Variants in BEAN1 observed in about 807,000 individuals in gnomAD.
BEAN1 encodes the protein brain expressed associated with NEDD4 1, also known as protein BEAN1.
Under a neutral mutation model 17.7 loss-of-function variants are expected in BEAN1, and 17 were observed. The ratio of observed to expected loss-of-function variants is 0.96; its 90% CI spans 0.66 to 1.44. The LOEUF (loss-of-function observed/expected upper bound fraction) is 1.44. BEAN1 is among the 40% of genes most tolerant of loss of function. The probability of loss-of-function intolerance (pLI) is 0.00; values close to 1 mark genes in which losing one functional copy is unlikely to be tolerated. For synonymous variants in BEAN1, 142 were observed against 151.8 expected, an observed-to-expected ratio of 0.94 and a Z score of 0.47; for missense variants, 359 against 374.1, an observed-to-expected ratio of 0.96 and a Z score of 0.33.
At chr16:66,442,472 A>G (rs940426548) in intron 2 of BEAN1, among the ~76,000 whole-genome samples, 3 of 152,170 alleles carry the variant, frequency 2.0e-5, no homozygotes, top group African/African-American at 7.2e-5. Context: ...GGGAGGTAGC[A>G]TCTGATCATC....
At chr16:66,480,497 C>T (rs1963943085) in intron 4 of BEAN1, 89 bp from the exon 5 acceptor site, 7 of 1,083,788 alleles carry the variant, frequency 6.5e-6, no homozygotes, top group African/African-American at 1.6e-5. Context: ...GCCAGGACAG[C>T]TTGTCACTGC....
At chr16:66,492,272 C>T (rs1314566804) in intron 4 of BEAN1, among the ~76,000 whole-genome samples, 1 of 151,600 alleles carries the variant, frequency 6.6e-6, no homozygotes. Context: ...AAACTCCTGA[C>T]CTGAAGTGAT....
chr16:66,441,712 A>G (rs11645280), intron 2 of BEAN1, among the ~76,000 whole-genome samples: 38,459 of 152,018 alleles, frequency 0.25, 5,812 homozygotes, highest in Non-Finnish European at 0.33. Context: ...TATGCCCACC[A>G]AGTGCAAGGT....
At chr16:66,483,005 C>G, downstream of BEAN1, 1 of 417,644 alleles carries the variant, frequency 2.4e-6, no homozygotes, top group Non-Finnish European at 4.7e-6. Context: ...TACAGGCATG[C>G]ACCACCATAC....
At chr16:66,488,009 G>C (rs747913855) in intron 4 of BEAN1, among the ~76,000 whole-genome samples, 14 of 152,294 alleles carry the variant, frequency 9.2e-5, no homozygotes, top group South Asian at 2.1e-4. Context: ...GAGAAGCAAG[G>C]CTGACTCCAG....
At chr16:66,466,480 C>A (rs1056991699) in intron 2 of BEAN1, among the ~76,000 whole-genome samples, 2 of 152,176 alleles carry the variant, frequency 1.3e-5, no homozygotes, top group African/African-American at 4.8e-5. Flanking sequence ...GATTTGAGAT[C>A]TTTTCTCATT....
In BEAN1 at chr16:66,480,786, C is replaced by T; in HGVS notation, c.641C>T (p.Pro214Leu). The T allele has an allele frequency of 6.4e-7, 1 of 1,550,480 alleles. No homozygotes were observed. The highest frequency in any genetic ancestry group is 8.7e-7 in the Non-Finnish European group (1 of 1,146,510). Reference protein sequence around the residue: ...GLHTVSMDTLPPYEAVCGAGP... With the variant: ...GLHTVSMDTLLPYEAVCGAGP... The stretch of plus-strand genomic sequence containing the variant: ...CACACGGTCTCCATGGACACCCTTC[C>T]CCCCTACGAGGCTGTGTGCGGGGCT... Residue 214 changes from proline to leucine, a missense_variant, in exon 5 of 5, where the codon CCC (proline) becomes CTC (leucine). Coordinates refer to ENST00000536005, the MANE Select transcript of BEAN1 (RefSeq NM_001178020.3).
At position 66,480,516 on chromosome 16, in the gene BEAN1, C is replaced by G. The variant is rs369453134; in HGVS notation, c.441-70C>G. On this transcript the variant is annotated intron_variant, in intron 4 of 4. Transcript: ENST00000536005. ...GGACAGCTTGTCACTGCAGATAGAC[C>G]CCCAGGCCTTTGGGAGAGACCCAGC... 1.5e-5 allele frequency: 19 copies of G among 1,265,094 alleles called. No homozygotes were observed. The African/African-American group carries it at 2.9e-4, about 19-fold the overall frequency. 78.4% of individuals were successfully genotyped at this position (1,265,094 alleles called of 1,614,324 possible).
intron 2 of BEAN1, among the ~76,000 whole-genome samples, chr16:66,440,990 T>C (rs888140060): frequency 1.3e-5 from 2 of 152,186 alleles, no homozygotes; most frequent in African/African-American, 4.8e-5. Context: ...CAGATCATCA[T>C]TCTGACCTGG....
intron 4 of BEAN1, among the ~76,000 whole-genome samples, chr16:66,489,329 T>C (rs548293182): frequency 1.3e-5 from 2 of 152,320 alleles, no homozygotes; most frequent in South Asian, 4.1e-4. Flanking sequence ...GTTCATAAGA[T>C]GAGAGGAAGG....
At chr16:66,457,584 C>T (rs59044015) in intron 2 of BEAN1, among the ~76,000 whole-genome samples, 3,940 of 152,274 alleles carry the variant, frequency 0.026, 87 homozygotes, top group South Asian at 0.067. Flanking sequence ...TGACATCCTA[C>T]AGACTCACCC....
downstream of BEAN1, among the ~76,000 whole-genome samples, chr16:66,494,020 G>C (rs1964214162): frequency 6.6e-6 from 1 of 152,162 alleles, no homozygotes; most frequent in African/African-American, 2.4e-5. Flanking sequence ...GCATGGATGA[G>C]AGCACCCCAG....
chr16:66,488,227 G>C lies in BEAN1; in HGVS notation c.148-4735G>C, dbSNP rs375149101. Among the ~76,000 whole-genome samples, 35 of 152,224 alleles carry C rather than the reference G, an allele frequency of 2.3e-4. No individual in the cohort carries two copies. The East Asian group carries it at 6.0e-3, about 26-fold the overall frequency. On this transcript the variant is annotated intron_variant, in intron 4 of 4. Transcript: ENST00000561796. Reference sequence around the variant, plus strand: ...TAGAAGAATCACAGTGGTGGGGCAGGGGGGTGGGGGCCTTGGAATGTACCA... The same window carrying C: ...TAGAAGAATCACAGTGGTGGGGCAGCGGGGTGGGGGCCTTGGAATGTACCA...
rs62057864 is a variant in BEAN1 at position 66,469,605 on chromosome 16, C to T, written c.29C>T (p.Ala10Val). MSFKRPCPL[A>V]RYNRTSYFYP... ...TGTCCTCTCTCTCTGTCCACAGTAG[C>T]ACGATACAACCGCACCAGCTACTTC... is the stretch of plus-strand genomic sequence containing the variant. Residue 10 changes from alanine (A) to valine (V), a missense_variant, in exon 3 of 5, where the codon GCA (alanine) becomes GTA (valine). Physicochemically the swap from Ala to Val is moderately conservative, Grantham distance 64. Coordinates refer to ENST00000536005, the MANE Select transcript of BEAN1 (RefSeq NM_001178020.3). 4.6e-6 allele frequency: 7 copies of T among 1,535,572 alleles called. No individual in the cohort carries two copies. In the Admixed American group the frequency reaches 1.4e-4, roughly 30 times the overall value.
At chr16:66,475,051 G>A (rs531683595) in intron 3 of BEAN1, among the ~76,000 whole-genome samples, 201 of 152,332 alleles carry the variant, frequency 1.3e-3, no homozygotes, top group South Asian at 1.2e-3. Flanking sequence ...TGAACTTGGA[G>A]TGATGTTAAA....
chr16:66,463,591 G>A (rs138179750), intron 2 of BEAN1, among the ~76,000 whole-genome samples: 305 of 152,284 alleles, frequency 2.0e-3, no homozygotes, highest in African/African-American at 6.8e-3. Flanking sequence ...TCTACCGACT[G>A]TCTCTTCACT....
intron 4 of BEAN1, among the ~76,000 whole-genome samples, chr16:66,492,125 T>G (rs763035046): frequency 6.6e-6 from 1 of 152,156 alleles, no homozygotes; most frequent in Non-Finnish European, 1.5e-5. Flanking sequence ...CACTGCAACT[T>G]CTGCCTCTCA....
At chr16:66,466,327 T>C (rs1316462876) in intron 2 of BEAN1, among the ~76,000 whole-genome samples, 1 of 151,964 alleles carries the variant, frequency 6.6e-6, no homozygotes, top group Non-Finnish European at 1.5e-5. Flanking sequence ...ACACTTCTGG[T>C]TTTATTGGCT....
chr16:66,452,419 C>T (rs1019291752), intron 2 of BEAN1, among the ~76,000 whole-genome samples: 2 of 152,192 alleles, frequency 1.3e-5, no homozygotes, highest in African/African-American at 4.8e-5. Context: ...GCTCCAGAAT[C>T]GAAAACCACA....
Sources: allele counts gnomAD v4.1 joint callset (sites outside exome capture counted in the v4.1 genomes callset), GRCh38; gene constraint gnomAD v4.1.1; transcripts MANE v1.5; gene names NCBI Gene and HGNC (gene_info 2026-07-23, HGNC 2026-07-21).